SENP5: variants seen among roughly 807,000 people sequenced by gnomAD.
SENP5 encodes the protein sentrin-specific protease 5.
Under a neutral mutation model 74.2 loss-of-function variants are expected in SENP5, and 21 were observed. The observed-to-expected ratio is 0.28, with a 90% CI of 0.20 to 0.41. The LOEUF (loss-of-function observed/expected upper bound fraction) is 0.41. SENP5 is among the 10% of genes least tolerant of loss of function. The probability of loss-of-function intolerance (pLI) is 1.00; values close to 1 mark genes in which losing one functional copy is unlikely to be tolerated. For synonymous variants in SENP5, 311 were observed against 312.7 expected (o/e 0.99, Z 0.06); for missense variants, 717 against 889.1 (o/e 0.81, Z 2.46).
intron 2 of SENP5, among the ~76,000 whole-genome samples, chr3:196,889,967 A>G (rs1002224511): frequency 1.3e-5 from 2 of 152,332 alleles, no homozygotes; most frequent in South Asian, 2.1e-4. Flanking sequence ...TATCAAGCCA[A>G]AATTCTAAGG....
chr3:196,899,225 TAG>T (rs1714594393), intron 2 of SENP5, among the ~76,000 whole-genome samples: 1 of 152,194 alleles, frequency 6.6e-6, no homozygotes, highest in African/African-American at 2.4e-5. Flanking sequence ...TACCAAATAA[TAG>T]AGTCACAGTG....
intron 6 of SENP5, among the ~76,000 whole-genome samples, chr3:196,919,585 G>C (rs745696454): frequency 9.9e-5 from 15 of 152,158 alleles, no homozygotes; most frequent in Admixed American, 3.9e-4. Context: ...CATGAGGTCA[G>C]GTGTTCAAGA....
rs903239872 is a variant in SENP5, at chr3:196,932,788, A to G, written c.*1865A>G. On this transcript the variant is annotated 3_prime_UTR_variant, in exon 10 of 10. Coordinates refer to ENST00000323460, the MANE Select transcript of SENP5 (RefSeq NM_152699.5). ...GTGTGGTATACCAAAGTAGCCAGTC[A>G]CTGGGCTGTCAGTTCAAAATGTCTT... 2.5e-5 allele frequency: 3 copies of G among 119,602 alleles called. No individual in the cohort carries two copies. The South Asian group carries it at 7.7e-4, about 31-fold the overall frequency. The allele number at this position is 119,602 out of a possible 1,614,324, so 7.4% of individuals were successfully genotyped here. A position where few individuals can be genotyped will look rare whatever the true frequency, so the allele number is the denominator to read the frequency against.
At chr3:196,903,715 C>G in intron 6 of SENP5, 105 bp downstream of exon 6, 1 of 624,656 alleles carries the variant, frequency 1.6e-6, no homozygotes, top group African/African-American at 1.9e-5. Context: ...TAAGTAGAAA[C>G]AGACTTTTTA....
Position 196,928,962 on chromosome 3 carries a change from C to A in SENP5, c.2107-671C>A, listed in dbSNP as rs188419882. Reference sequence around the variant, plus strand: ...CCCAGCACTTTGGGAGGCAAAGGTGCGTGGATTGCGTGAGTCTAGGAGTTC... The same window carrying A: ...CCCAGCACTTTGGGAGGCAAAGGTGAGTGGATTGCGTGAGTCTAGGAGTTC... On this transcript the variant is annotated intron_variant, in intron 8 of 9. Coordinates refer to ENST00000323460, the MANE Select transcript of SENP5 (RefSeq NM_152699.5). 1.1e-4 allele frequency among the ~76,000 whole-genome samples: 16 copies of A among 152,184 alleles called. No individual in the cohort carries two copies. In the East Asian group the frequency reaches 2.3e-3, roughly 22 times the overall value.
At chr3:196,917,005 A>G (rs1000622250) in intron 6 of SENP5, among the ~76,000 whole-genome samples, 9 of 151,944 alleles carry the variant, frequency 5.9e-5, no homozygotes, top group African/African-American at 2.2e-4. Flanking sequence ...GTGGTGACAC[A>G]GGTCTGTAAT....
intron 7 of SENP5, among the ~76,000 whole-genome samples, chr3:196,927,463 A>G (rs1187022326): frequency 2.0e-5 from 3 of 152,116 alleles, no homozygotes; most frequent in African/African-American, 7.2e-5. Flanking sequence ...TATGAAATGA[A>G]GAGTCTGAAA....
intron 6 of SENP5, among the ~76,000 whole-genome samples, chr3:196,917,714 T>C (rs570122008): frequency 6.6e-6 from 1 of 152,062 alleles, no homozygotes; most frequent in East Asian, 1.9e-4. Context: ...CCAGCGAAAA[T>C]ATACTTCAAA....
intron 8 of SENP5, among the ~76,000 whole-genome samples, chr3:196,928,493 G>A (rs922728254): frequency 2.0e-5 from 3 of 152,200 alleles, no homozygotes; most frequent in East Asian, 3.8e-4. Flanking sequence ...CTGTGAGGTA[G>A]GCAGGTCATT....
At chr3:196,868,443 G>C (rs376093391) in intron 1 of SENP5, among the ~76,000 whole-genome samples, 2 of 152,238 alleles carry the variant, frequency 1.3e-5, no homozygotes, top group African/African-American at 4.8e-5. Flanking sequence ...TGCTTAGACC[G>C]CTCTGCCTCC....
rs1560142904 is a variant in SENP5 at position 196,885,847 on chromosome 3, T to C, written c.666T>C (p.His222=). ...LIPKKFQLNQ[H]RRIKLSPLMM... Reference sequence around the variant, plus strand: ...CAAAAAAGTTCCAACTTAACCAACATAGAAGGATAAAATTATCTCCTCTTA... The same window carrying C: ...CAAAAAAGTTCCAACTTAACCAACACAGAAGGATAAAATTATCTCCTCTTA... The change falls in exon 2 of 10, where the codon CAT becomes CAC. Residue 222 remains histidine (H), a synonymous_variant. Transcript: ENST00000323460. The C allele has an allele frequency of 3.7e-6, 6 of 1,613,990 alleles. No individual in the cohort carries two copies. Among genetic ancestry groups the C allele is most frequent in the Non-Finnish European group, 5.1e-6 (6 of 1,180,018 alleles).
intron 6 of SENP5, among the ~76,000 whole-genome samples, chr3:196,904,133 C>G (rs1235323993): frequency 6.6e-6 from 1 of 152,194 alleles, no homozygotes; most frequent in Non-Finnish European, 1.5e-5. Context: ...ACCTAATTTA[C>G]TATGTATGAT....
At chr3:196,929,466 TG>T in intron 8 of SENP5, 166 bp from the exon 9 acceptor site, 1 of 533,288 alleles carries the variant, frequency 1.9e-6, no homozygotes, top group South Asian at 2.7e-5. Flanking sequence ...TCTTTTTATG[TG>T]GCCAGGTGCC....
intron 1 of SENP5, among the ~76,000 whole-genome samples, chr3:196,876,895 A>G (rs541535043): frequency 2.0e-5 from 3 of 152,230 alleles, no homozygotes; most frequent in African/African-American, 7.2e-5. Flanking sequence ...GAGAAAGACA[A>G]AATTACATTT....
Position 196,930,980 on chromosome 3 carries a change from G to A in SENP5, c.*57G>A. On this transcript the variant is annotated 3_prime_UTR_variant, in exon 10 of 10. Transcript: ENST00000323460. Reference sequence around the variant, plus strand: ...AGTTGGAGCAGATGGTTTGTTACTTGAATCTCCAAACACTTAGTTGAATTT... The same window carrying A: ...AGTTGGAGCAGATGGTTTGTTACTTAAATCTCCAAACACTTAGTTGAATTT... 2.8e-6 allele frequency: 3 copies of A among 1,081,100 alleles called. No individual in the cohort carries two copies. The highest frequency in any genetic ancestry group is 4.3e-6 in the Non-Finnish European group (3 of 697,066). The allele number at this position is 1,081,100 out of a possible 1,614,324, so 67.0% of individuals were successfully genotyped here. A position where few individuals can be genotyped will look rare whatever the true frequency, so the allele number is the denominator to read the frequency against.
At chr3:196,930,750 A>C in intron 9 of SENP5, 63 bp from the exon 10 acceptor site, 2 of 1,044,674 alleles carry the variant, frequency 1.9e-6, no homozygotes, top group Non-Finnish European at 3.0e-6. Flanking sequence ...TTAGTAAAAC[A>C]GAATGGGCTG....
chr3:196,884,631 C>T (rs1462614761), intron 1 of SENP5, among the ~76,000 whole-genome samples: 1 of 151,774 alleles, frequency 6.6e-6, no homozygotes, highest in African/African-American at 2.4e-5. Flanking sequence ...ACCTCAGTTC[C>T]CTCTCCAAAT....
chr3:196,923,355 T>A, intron 6 of SENP5, 59 bp from the exon 7 acceptor site: 2 of 1,539,860 alleles, frequency 1.3e-6, no homozygotes, highest in Non-Finnish European at 1.7e-6. Flanking sequence ...AGCTGCTGGT[T>A]TTTGGTGGTT....
chr3:196,915,603 C>T (rs921979000), intron 6 of SENP5, among the ~76,000 whole-genome samples: 1 of 152,236 alleles, frequency 6.6e-6, no homozygotes, highest in African/African-American at 2.4e-5. Flanking sequence ...TGGGCAAGAC[C>T]CAGTACTATG....
Sources: gnomAD v4.1 joint callset for allele counts (sites outside exome capture counted in the v4.1 genomes callset) on GRCh38, gnomAD v4.1.1 for gene constraint, MANE v1.5 for transcripts, NCBI Gene and HGNC (gene_info 2026-07-23, HGNC 2026-07-21) for gene names.